SMC6: variants seen among roughly 807,000 people sequenced by gnomAD.
SMC6 encodes the protein structural maintenance of chromosomes 6, also known as structural maintenance of chromosomes protein 6.
A neutral mutation model predicts 142.2 loss-of-function variants in SMC6; 79 were observed. That is an observed-to-expected ratio of 0.56 (90% CI 0.46 to 0.67). The LOEUF is 0.67. Among genes scored for constraint, SMC6 ranks in the 30% least tolerant of loss-of-function variants. SMC6 has a pLI of 0.00. For synonymous variants in SMC6, 411 were observed against 412.4 expected (o/e 1.00, Z 0.04); for missense variants, 1,072 against 1,284.0 (o/e 0.83, Z 2.52).
intron 23 of SMC6, among the ~76,000 whole-genome samples, chr2:17,689,520 G>A (rs1667605939): frequency 6.6e-6 from 1 of 151,980 alleles, no homozygotes; most frequent in Non-Finnish European, 1.5e-5. Context: ...CTTTTGAATG[G>A]TACAGAAAAA....
chr2:17,698,255 A>G (rs1290644812), intron 21 of SMC6, among the ~76,000 whole-genome samples: 1 of 152,058 alleles, frequency 6.6e-6, no homozygotes, highest in Non-Finnish European at 1.5e-5. Flanking sequence ...TGAATTATAC[A>G]CTTTAAATGG....
intron 7 of SMC6, among the ~76,000 whole-genome samples, chr2:17,729,464 T>C (rs1339315943): frequency 6.6e-6 from 1 of 152,188 alleles, no homozygotes; most frequent in Admixed American, 6.5e-5. Flanking sequence ...GAAAACTTTC[T>C]AATAAATACA....
intron 20 of SMC6, 76 bp downstream of exon 20, chr2:17,701,753 G>C: frequency 1.2e-6 from 1 of 855,412 alleles, no homozygotes; most frequent in Non-Finnish European, 1.8e-6. Flanking sequence ...TTCTAAAAAA[G>C]CTGAGTTGAT....
At chr2:17,692,856 C>T (rs1198262399) in intron 23 of SMC6, among the ~76,000 whole-genome samples, 1 of 152,002 alleles carries the variant, frequency 6.6e-6, no homozygotes, top group Non-Finnish European at 1.5e-5. Flanking sequence ...AACAAATTTA[C>T]AAGAAAAAAA....
At chr2:17,673,541 CTGTT>C (rs1360375669) in intron 25 of SMC6, among the ~76,000 whole-genome samples, 1 of 150,670 alleles carries the variant, frequency 6.6e-6, no homozygotes, top group Non-Finnish European at 1.5e-5. Flanking sequence ...ACTTTGCTTA[CTGTT>C]TATTATTTAA....
At chr2:17,672,726 TTC>T (rs1171072862) in intron 25 of SMC6, among the ~76,000 whole-genome samples, 1 of 152,248 alleles carries the variant, frequency 6.6e-6, no homozygotes, top group Non-Finnish European at 1.5e-5. Context: ...TGTAACTGGC[TTC>T]TCTCACTCGC....
rs779513303 is a variant in SMC6, at chr2:17,707,259, T to C, written c.1966A>G (p.Arg656Gly). 1.2e-6 allele frequency: 2 copies of C among 1,600,998 alleles called. No individual in the cohort carries two copies. The highest frequency in any genetic ancestry group is 8.5e-7 in the Non-Finnish European group (1 of 1,174,598). Residue 656 changes from arginine (R) to glycine (G), a missense_variant, in exon 18 of 28, where the codon AGA becomes GGA. By Grantham distance (125) the Arg-to-Gly change is moderately radical. Transcript: ENST00000448223. ...ACATCTCTGCTTAGGAACTTAGGTC[T>C]TGTATTTTCAGATGAATAATAACGT... ...AGRYYSSENT[R>G]PKFLSRDVDS...
At chr2:17,665,650 A>G (rs759662468) in intron 27 of SMC6, 37 bp from the exon 28 acceptor site, 5 of 1,367,292 alleles carry the variant, frequency 3.7e-6, no homozygotes, top group East Asian at 4.7e-5. Context: ...AATTTCCAAG[A>G]AACCTTTTAC....
intron 23 of SMC6, among the ~76,000 whole-genome samples, chr2:17,686,851 G>GT (rs1326962501): frequency 6.6e-6 from 1 of 152,202 alleles, no homozygotes; most frequent in African/African-American, 2.4e-5. Context: ...GGCTAAGATA[G>GT]TAACGTCTTC....
At chr2:17,753,498 C>T (rs1029634656) in intron 1 of SMC6, 128 bp downstream of exon 1, 8 of 152,442 alleles carry the variant, frequency 5.2e-5, no homozygotes, top group African/African-American at 1.9e-4. Context: ...CAAGGACGAC[C>T]ATGAACACCG....
intron 3 of SMC6, among the ~76,000 whole-genome samples, chr2:17,742,687 C>T (rs529105277): frequency 1.0e-3 from 157 of 152,276 alleles, no homozygotes; most frequent in Non-Finnish European, 1.9e-3. Context: ...AAAACATTTA[C>T]ATCCTTGTAT....
intron 25 of SMC6, among the ~76,000 whole-genome samples, chr2:17,674,737 T>A (rs894593832): frequency 2.6e-5 from 4 of 152,176 alleles, no homozygotes; most frequent in Non-Finnish European, 5.9e-5. Flanking sequence ...AAATTAAAAA[T>A]TTTTTAAAAT....
At chr2:17,717,246 C>A (rs1669138699) in intron 12 of SMC6, 70 bp from the exon 13 acceptor site, 3 of 1,115,624 alleles carry the variant, frequency 2.7e-6, no homozygotes, top group Non-Finnish European at 3.9e-6. Flanking sequence ...CCACTTTTGT[C>A]AAATCTTCAG....
intron 25 of SMC6, among the ~76,000 whole-genome samples, chr2:17,678,143 A>T (rs1427963823): frequency 6.6e-6 from 1 of 152,166 alleles, no homozygotes; most frequent in Non-Finnish European, 1.5e-5. Flanking sequence ...TTCAGAAGTA[A>T]ATAGTATAAA....
At chr2:17,726,575 C>A in intron 7 of SMC6, 106 bp from the exon 8 acceptor site, 10 of 777,148 alleles carry the variant, frequency 1.3e-5, no homozygotes, top group South Asian at 7.7e-5. Flanking sequence ...ATCAGGAAGG[C>A]CAAGCAATAG....
chr2:17,683,975 G>C (rs549098420), intron 23 of SMC6, among the ~76,000 whole-genome samples: 5 of 152,264 alleles, frequency 3.3e-5, no homozygotes, highest in Non-Finnish European at 5.9e-5. Context: ...GACAGGGAAG[G>C]AACAAGGTCC....
At chr2:17,714,587 G>T (rs1479776541) in intron 16 of SMC6, among the ~76,000 whole-genome samples, 1 of 152,044 alleles carries the variant, frequency 6.6e-6, no homozygotes, top group Non-Finnish European at 1.5e-5. Flanking sequence ...CTCTTAAATT[G>T]GTCATATCAT....
chr2:17,712,102 T>C (rs1668854834), intron 16 of SMC6, among the ~76,000 whole-genome samples: 1 of 152,070 alleles, frequency 6.6e-6, no homozygotes, highest in Non-Finnish European at 1.5e-5. Flanking sequence ...AAAAGGAATA[T>C]GAAGTTTGAA....
In SMC6 at chr2:17,666,539, T is replaced by TCATCC; in HGVS notation, c.3064-23_3064-22insGGATG. On this transcript the variant is annotated intron_variant, in intron 26 of 27. Transcript: ENST00000448223. ...TATCCTGAAAAACAAAGGCAAAAGT[T>TCATCC]AGGATTGCTATTGTGTAAGTCACAT... The TCATCC allele has an allele frequency of 2.6e-6, 4 of 1,552,484 alleles. No individual in the cohort carries two copies. In the South Asian group the frequency reaches 4.5e-5, roughly 17 times the overall value.
Sources: allele counts gnomAD v4.1 joint callset (sites outside exome capture counted in the v4.1 genomes callset), GRCh38; gene constraint gnomAD v4.1.1; transcripts MANE v1.5; gene names NCBI Gene and HGNC (gene_info 2026-07-23, HGNC 2026-07-21).